The following DNAH9 variants were observed in gnomAD, a reference collection of about 807,000 sequenced individuals.
DNAH9 encodes dynein axonemal heavy chain 9.
A neutral mutation model predicts 471.6 loss-of-function variants in DNAH9; 345 were observed. That is an observed-to-expected ratio of 0.73 (90% CI 0.67 to 0.80). DNAH9 has a LOEUF of 0.80. DNAH9 is among the 30% of genes least tolerant of loss of function. DNAH9 has a pLI of 0.00. For synonymous variants in DNAH9, 2,093 were observed against 2,123.6 expected, an observed-to-expected ratio of 0.99 and a Z score of 0.40; for missense variants, 5,407 against 5,609.2, an observed-to-expected ratio of 0.96 and a Z score of 1.15.
At chr17:11,817,747 A>G (rs1237103487) in intron 45 of DNAH9, among the ~76,000 whole-genome samples, 1 of 152,180 alleles carries the variant, frequency 6.6e-6, no homozygotes, top group African/African-American at 2.4e-5. Flanking sequence ...GAGTCATTCT[A>G]TTAGTAAGAT....
chr17:11,687,678 A>G (rs2074262942), intron 19 of DNAH9, among the ~76,000 whole-genome samples: 1 of 152,122 alleles, frequency 6.6e-6, no homozygotes, highest in African/African-American at 2.4e-5. Flanking sequence ...AGCAAAACAT[A>G]CCATTCTCCC....
At chr17:11,929,485 C>T (rs1974435904) in intron 62 of DNAH9, among the ~76,000 whole-genome samples, 2 of 152,180 alleles carry the variant, frequency 1.3e-5, no homozygotes, top group African/African-American at 4.8e-5. Context: ...AGAAGCCCTT[C>T]AGGTTATTCC....
chr17:11,871,739 C>T lies in DNAH9; in HGVS notation c.10195C>T (p.Gln3399Ter). ...YLGFFTKKYR[Q>*]SLLDRTWRPY... is the part of the protein sequence containing the mutation. ...TGGCTTCTTCACAAAGAAATACCGG[C>T]AGAGCCTCCTGGACAGAACTTGGAG... The change falls in exon 52 of 69, where the codon CAG becomes TAG. Residue 3399 changes from glutamine to a stop codon, truncating the protein, a stop_gained. Coordinates refer to ENST00000262442, the MANE Select transcript of DNAH9 (RefSeq NM_001372.4). LOFTEE classifies it high-confidence loss of function. 6.2e-7 allele frequency: 1 copy of T among 1,614,190 alleles called. No individual in the cohort carries two copies. Among genetic ancestry groups the T allele is most frequent in the Non-Finnish European group, 8.5e-7 (1 of 1,180,024 alleles).
At chr17:11,812,152 T>A (rs1356670121) in intron 45 of DNAH9, among the ~76,000 whole-genome samples, 1 of 148,276 alleles carries the variant, frequency 6.7e-6, no homozygotes, top group Non-Finnish European at 1.5e-5. Flanking sequence ...AAAGAAAGAA[T>A]ACGCTTTCTT....
rs985861538 is a variant in DNAH9, at chr17:11,852,840, A to G, written c.9508-1163A>G. Among the ~76,000 whole-genome samples the G allele has an allele frequency of 2.2e-3, 300 of 138,212 alleles. 10 individuals are homozygous for G. Among genetic ancestry groups the G allele is most frequent in the Admixed American group, 8.8e-3 (120 of 13,666 alleles). The allele number at this position is 138,212 out of a possible 152,430, so 90.7% of individuals were successfully genotyped here. A position where few individuals can be genotyped will look rare whatever the true frequency, so the allele number is the denominator to read the frequency against. ...TATATATATATATATATATATATAT[A>G]TATATATATATATATATATATGAAA... On this transcript the variant is annotated intron_variant, in intron 49 of 68. Coordinates refer to ENST00000262442, the MANE Select transcript of DNAH9 (RefSeq NM_001372.4).
At chr17:11,685,771 C>A (rs566944387) in intron 19 of DNAH9, among the ~76,000 whole-genome samples, 1 of 151,092 alleles carries the variant, frequency 6.6e-6, no homozygotes, top group African/African-American at 2.4e-5. Flanking sequence ...GGAAGGACTG[C>A]GCCTCACAAA....
intron 19 of DNAH9, among the ~76,000 whole-genome samples, chr17:11,682,728 T>C (rs2074156612): frequency 6.6e-6 from 1 of 152,186 alleles, no homozygotes; most frequent in Non-Finnish European, 1.5e-5. Context: ...AGTTAGACTT[T>C]CTGGAGGCGA....
intron 49 of DNAH9, among the ~76,000 whole-genome samples, chr17:11,843,863 G>GTATATATA (rs61067153): frequency 4.7e-4 from 22 of 46,468 alleles, no homozygotes; most frequent in African/African-American, 1.5e-3. Context: ...GTGTGTGTGT[G>GTATATATA]TATATATATA....
intron 49 of DNAH9, among the ~76,000 whole-genome samples, chr17:11,842,863 C>T (rs1353688407): frequency 6.6e-6 from 1 of 152,186 alleles, no homozygotes; most frequent in Non-Finnish European, 1.5e-5. Context: ...TGGCAACACC[C>T]TCACAGACAC....
chr17:11,778,772 T>G (rs1968560898), intron 38 of DNAH9, among the ~76,000 whole-genome samples: 1 of 151,952 alleles, frequency 6.6e-6, no homozygotes, highest in African/African-American at 2.4e-5. Flanking sequence ...TTTGGGAGGC[T>G]GAGGTGGGCA....
chr17:11,762,643 T>TAAGATCCTGGCCCCAGAA (rs1967727385), intron 35 of DNAH9, among the ~76,000 whole-genome samples: 1 of 151,778 alleles, frequency 6.6e-6, no homozygotes, highest in Admixed American at 6.6e-5. Flanking sequence ...ACTTCCCAGA[T>TAAGATCCTGGCCCCAGAA]AAGATCCTGG....
intron 50 of DNAH9, among the ~76,000 whole-genome samples, chr17:11,860,214 A>C (rs1418939157): frequency 1.3e-5 from 2 of 151,456 alleles, no homozygotes; most frequent in Non-Finnish European, 1.5e-5. Flanking sequence ...CTTCACCCCC[A>C]CTCCCCAGAG....
At chr17:11,939,611 T>C (rs1974831624) in intron 66 of DNAH9, among the ~76,000 whole-genome samples, 1 of 152,174 alleles carries the variant, frequency 6.6e-6, no homozygotes, top group South Asian at 2.1e-4. Context: ...CAGCTCAAGA[T>C]GAGGGGCAAA....
At chr17:11,656,276 T>C (rs766211918) in intron 14 of DNAH9, among the ~76,000 whole-genome samples, 30 of 152,212 alleles carry the variant, frequency 2.0e-4, no homozygotes, top group African/African-American at 7.2e-4. Context: ...TGAGGTGGTA[T>C]TGCATTGTGG....
intron 24 of DNAH9, among the ~76,000 whole-genome samples, chr17:11,703,105 AAG>A (rs1491026934): frequency 5.3e-5 from 8 of 149,648 alleles, no homozygotes; most frequent in Admixed American, 5.3e-4. Flanking sequence ...AAAAAAAAAA[AAG>A]AAAAGAAAAG....
Position 11,789,222 on chromosome 17 carries a change from C to T in DNAH9, c.8062-4281C>T, listed in dbSNP as rs188243112. ...AAGGTTATAAAGTCCTCATAAAATA[C>T]TTTGAGAAGTGTTTCCTCTTTTTCT... On this transcript the variant is annotated intron_variant, in intron 41 of 68. Coordinates refer to ENST00000262442, the MANE Select transcript of DNAH9 (RefSeq NM_001372.4). Among the ~76,000 whole-genome samples the T allele has an allele frequency of 8.2e-3, 1,247 of 152,030 alleles. 13 individuals carry two copies. The highest frequency in any genetic ancestry group is 0.029 in the African/African-American group (1,188 of 41,530).
intron 67 of DNAH9, among the ~76,000 whole-genome samples, chr17:11,959,777 A>G (rs1253466802): frequency 2.0e-5 from 3 of 152,160 alleles, no homozygotes; most frequent in Non-Finnish European, 4.4e-5. Flanking sequence ...TGCTCTGGTC[A>G]TTCACCTCAA....
intron 50 of DNAH9, among the ~76,000 whole-genome samples, chr17:11,854,844 T>A (rs1971566347): frequency 6.6e-6 from 1 of 152,190 alleles, no homozygotes; most frequent in Non-Finnish European, 1.5e-5. Context: ...CTGCATTGTT[T>A]TGTGGAAGTT....
intron 28 of DNAH9, among the ~76,000 whole-genome samples, chr17:11,731,359 G>A (rs1465663787): frequency 6.6e-6 from 1 of 150,988 alleles, no homozygotes; most frequent in Non-Finnish European, 1.5e-5. Context: ...ACACAGGGTA[G>A]GGAAAAAGGG....
Sources: allele counts gnomAD v4.1 joint callset (sites outside exome capture counted in the v4.1 genomes callset), GRCh38; gene constraint gnomAD v4.1.1; transcripts MANE v1.5; gene names NCBI Gene and HGNC (gene_info 2026-07-23, HGNC 2026-07-21).